GUCY2F: variants seen among roughly 807,000 people sequenced by gnomAD.
The protein encoded by GUCY2F is guanylate cyclase 2F, retinal, also known as retinal guanylyl cyclase 2.
GUCY2F carries 61 observed loss-of-function variants against 73.1 expected under a neutral mutation model. That is an observed-to-expected ratio of 0.83 (90% CI 0.68 to 1.03). The LOEUF is 1.03. Ranked by LOEUF, GUCY2F falls within the 50% of genes least tolerant of loss-of-function variation. The pLI is 0.00. For synonymous variants in GUCY2F, 331 were observed against 307.8 expected (o/e 1.08, Z -0.79); for missense variants, 912 against 854.3 (o/e 1.07, Z -0.84).
intron 17 of GUCY2F, among the ~76,000 whole-genome samples, chrX:109,379,663 C>T (rs922273104): frequency 8.9e-6 from 1 of 112,333 alleles, no homozygotes; most frequent in Non-Finnish European, 1.9e-5. Flanking sequence ...TAGATATATA[C>T]AAAAATCTCA....
At chrX:109,385,699 T>C (rs974310844) in intron 15 of GUCY2F, among the ~76,000 whole-genome samples, 1 of 112,227 alleles carries the variant, frequency 8.9e-6, no homozygotes, top group African/African-American at 3.2e-5. Context: ...GTTCCCAAAC[T>C]GTGTCTATCA....
chrX:109,404,520 A>G, intron 9 of GUCY2F, 36 bp from the exon 10 acceptor site: 8 of 1,034,915 alleles, frequency 7.7e-6, no homozygotes, highest in Non-Finnish European at 1.1e-5. Flanking sequence ...TTAGCAACTC[A>G]TTTAACTATT....
rs150533634 is a variant in GUCY2F, at chrX:109,409,112, C to T, written c.1848G>A (p.Ser616=). The change falls in exon 9 of 20, where the codon TCG becomes TCA. Residue 616 remains serine (S), a synonymous_variant. Transcript: ENST00000218006. ...ATTCTGTCACAATGGCAAACATCCCCGAATCATAGAAGAAACCCAATAAAG... is the reference window on the plus strand; with the variant it reads ...ATTCTGTCACAATGGCAAACATCCCTGAATCATAGAAGAAACCCAATAAAG... ...INPLLGFFYD[S]GMFAIVTEFC... is the part of the protein sequence containing the mutation. 207 of 1,110,425 alleles carry T rather than the reference C, an allele frequency of 1.9e-4. No homozygotes were observed. Among genetic ancestry groups the T allele is most frequent in the Non-Finnish European group, 1.0e-4 (81 of 804,627 alleles). The allele number at this position is 1,110,425 out of a possible 1,213,427, so 91.5% of individuals were successfully genotyped here.
chrX:109,405,534 T>C (rs1930952341), intron 9 of GUCY2F, among the ~76,000 whole-genome samples: 2 of 112,067 alleles, frequency 1.8e-5, no homozygotes, highest in African/African-American at 6.5e-5. Context: ...TCTAGTACAG[T>C]CATTTCAGAA....
chrX:109,433,384 TG>T (rs1478142003), intron 7 of GUCY2F, among the ~76,000 whole-genome samples: 1 of 112,334 alleles, frequency 8.9e-6, no homozygotes, highest in East Asian at 2.8e-4. Flanking sequence ...ATTAAGTGAC[TG>T]TCCCAAGGTC....
intron 9 of GUCY2F, among the ~76,000 whole-genome samples, chrX:109,407,407 G>A (rs779665922): frequency 1.2e-4 from 14 of 113,131 alleles, no homozygotes; most frequent in Non-Finnish European, 2.4e-4. Flanking sequence ...GGGAAACAGA[G>A]CATAACAGTT....
At chrX:109,468,775 G>A (rs768882168) in intron 2 of GUCY2F, among the ~76,000 whole-genome samples, 1 of 111,565 alleles carries the variant, frequency 9.0e-6, no homozygotes, top group Non-Finnish European at 1.9e-5. Flanking sequence ...TTTTTTGCCT[G>A]GCAAGATCTT....
At position 109,448,135 on chromosome X, in the gene GUCY2F, T is replaced by C; in HGVS notation, c.1503A>G (p.Lys501=). 1 of 1,101,510 alleles carries C rather than the reference T, an allele frequency of 9.1e-7. No homozygotes were observed. The highest frequency in any genetic ancestry group is 1.3e-6 in the Non-Finnish European group (1 of 795,574). The allele number at this position is 1,101,510 out of a possible 1,213,427, so 90.8% of individuals were successfully genotyped here. ...RRRINKIQLI[K]GPNRILLTLE... ...AAGTCAGTAGAATTCTATTGGGTCC[T>C]TTGATCAACTGGATTTTATTTATAC... Residue 501 remains lysine, a synonymous_variant, in exon 6 of 20, where the codon AAA becomes AAG. Coordinates refer to ENST00000218006, the MANE Select transcript of GUCY2F (RefSeq NM_001522.3).
intron 1 of GUCY2F, among the ~76,000 whole-genome samples, chrX:109,480,798 T>C (rs1469640615): frequency 9.1e-6 from 1 of 110,082 alleles, no homozygotes; most frequent in African/African-American, 3.3e-5. Context: ...CTAACTCTGT[T>C]AGGACTCCCT....
At chrX:109,464,592 T>C (rs1024959227) in intron 3 of GUCY2F, among the ~76,000 whole-genome samples, 2 of 112,226 alleles carry the variant, frequency 1.8e-5, no homozygotes, top group Admixed American at 9.4e-5. Flanking sequence ...CTCTCCAGAC[T>C]ACACATTTTA....
chrX:109,457,296 A>G (rs1932279054), intron 3 of GUCY2F, among the ~76,000 whole-genome samples: 1 of 111,880 alleles, frequency 8.9e-6, no homozygotes, highest in African/African-American at 3.2e-5. Context: ...GACTACCATC[A>G]GTTCAGATTT....
In GUCY2F at chrX:109,438,775, G is replaced by A. The variant is rs181634749; in HGVS notation, c.1701+2576C>T. On this transcript the variant is annotated intron_variant, in intron 7 of 19. Coordinates refer to ENST00000218006, the MANE Select transcript of GUCY2F (RefSeq NM_001522.3). ...ATTCTGGTGGCTTTACAGGTCTGGGGTGTCAAGGGTGGCCATGTCCCAAAG... is the reference window on the plus strand; with the variant it reads ...ATTCTGGTGGCTTTACAGGTCTGGGATGTCAAGGGTGGCCATGTCCCAAAG... Among the ~76,000 whole-genome samples the A allele has an allele frequency of 1.2e-4, 14 of 112,741 alleles. No homozygotes were observed. The East Asian group carries it at 3.9e-3, about 32-fold the overall frequency.
At chrX:109,447,796 A>G (rs1305711405) in intron 6 of GUCY2F, among the ~76,000 whole-genome samples, 1 of 111,436 alleles carries the variant, frequency 9.0e-6, no homozygotes, top group Non-Finnish European at 1.9e-5. Context: ...AAATAAATAA[A>G]CAGGTAAAAT....
Position 109,409,129 on chromosome X carries a change from C to T in GUCY2F, c.1831G>A (p.Gly611Ser). The T allele has an allele frequency of 1.8e-6, 2 of 1,126,796 alleles. No individual in the cohort carries two copies. Among genetic ancestry groups the T allele is most frequent in the Non-Finnish European group, 2.4e-6 (2 of 819,064 alleles). The allele number at this position is 1,126,796 out of a possible 1,213,427, so 92.9% of individuals were successfully genotyped here. A position where few individuals can be genotyped will look rare whatever the true frequency, so the allele number is the denominator to read the frequency against. The part of the protein sequence containing the change: ...LRHENINPLL[G>S]FFYDSGMFAI... ...AACATCCCCGAATCATAGAAGAAACCCAATAAAGGGTTAATATTCTCATGA... is the reference window on the plus strand; with the variant it reads ...AACATCCCCGAATCATAGAAGAAACTCAATAAAGGGTTAATATTCTCATGA... Residue 611 changes from glycine (G) to serine (S), a missense_variant, in exon 9 of 20, where the codon GGT becomes AGT. Coordinates refer to ENST00000218006, the MANE Select transcript of GUCY2F (RefSeq NM_001522.3).
intron 8 of GUCY2F, among the ~76,000 whole-genome samples, chrX:109,417,948 A>G (rs1026644055): frequency 1.0e-5 from 1 of 99,518 alleles, no homozygotes; most frequent in Admixed American, 1.0e-4. Context: ...ATGTGCAAAG[A>G]TGTGCTGGAT....
intron 2 of GUCY2F, among the ~76,000 whole-genome samples, chrX:109,465,926 T>C (rs1195857601): frequency 8.9e-6 from 1 of 112,079 alleles, no homozygotes. Flanking sequence ...AGCTACTATA[T>C]ACCTAAGAAT....
chrX:109,373,736 C>A (rs1930110787), intron 19 of GUCY2F, among the ~76,000 whole-genome samples: 1 of 112,398 alleles, frequency 8.9e-6, no homozygotes, highest in Non-Finnish European at 1.9e-5. Context: ...TGTTTCTCAC[C>A]CTCAAAAAAG....
At chrX:109,420,192 T>G (rs1218656292) in intron 8 of GUCY2F, among the ~76,000 whole-genome samples, 1 of 93,098 alleles carries the variant, frequency 1.1e-5, no homozygotes, top group Non-Finnish European at 2.1e-5. Context: ...CCCAGAATCT[T>G]GGACTAGACA....
chrX:109,440,857 T>G (rs1931851020), intron 7 of GUCY2F, among the ~76,000 whole-genome samples: 1 of 112,069 alleles, frequency 8.9e-6, no homozygotes, highest in African/African-American at 3.2e-5. Flanking sequence ...AACCTGTTAC[T>G]CCAAGAGGCA....
Sources: allele counts gnomAD v4.1 joint callset (sites outside exome capture counted in the v4.1 genomes callset), GRCh38; gene constraint gnomAD v4.1.1; transcripts MANE v1.5; gene names NCBI Gene and HGNC (gene_info 2026-07-23, HGNC 2026-07-21).